Variants in PLEKHA5 observed in about 807,000 individuals in gnomAD.
The protein encoded by PLEKHA5 is pleckstrin homology domain containing A5, also known as pleckstrin homology domain-containing family A member 5.
A neutral mutation model predicts 181.9 loss-of-function variants in PLEKHA5; 55 were observed. The observed-to-expected ratio is 0.30, with a 90% CI of 0.24 to 0.38. The LOEUF (loss-of-function observed/expected upper bound fraction) is 0.38. Ranked by LOEUF, PLEKHA5 falls within the 10% of genes least tolerant of loss-of-function variation. The pLI is 1.00. For missense variants in PLEKHA5, 1,432 were observed against 1,549.5 expected, an observed-to-expected ratio of 0.92 and a Z score of 1.27; for synonymous variants, 535 against 529.4, an observed-to-expected ratio of 1.01 and a Z score of -0.15.
intron 21 of PLEKHA5, among the ~76,000 whole-genome samples, chr12:19,342,323 T>C (rs1481256665): frequency 6.6e-6 from 1 of 152,050 alleles, no homozygotes; most frequent in East Asian, 1.9e-4. Context: ...TTGGTTTCAG[T>C]TAGTGTATTT....
intron 15 of PLEKHA5, chr12:19,306,408 GA>G: frequency 1.8e-6 from 1 of 550,090 alleles, no homozygotes. Context: ...GTGGGGTAGA[GA>G]AAAGGTGGCG....
intron 3 of PLEKHA5, chr12:19,176,559 T>C (rs4237979): frequency 0.89 from 135,223 of 152,114 alleles, 60,932 homozygotes; most frequent in Non-Finnish European, 0.97. Context: ...CCTAAGTAGC[T>C]GGGACTATAG....
At chr12:19,336,983 C>CTT (rs1227139242) in intron 21 of PLEKHA5, among the ~76,000 whole-genome samples, 1,297 of 112,586 alleles carry the variant, frequency 0.012, 39 homozygotes, top group African/African-American at 0.026. Flanking sequence ...TATCTTTTAT[C>CTT]TTTTTTTTTT....
chr12:19,203,932 T>C (rs2054786284), intron 3 of PLEKHA5, among the ~76,000 whole-genome samples: 1 of 152,082 alleles, frequency 6.6e-6, no homozygotes, highest in Non-Finnish European at 1.5e-5. Context: ...GTAGGTAACT[T>C]ACTCTTTCTA....
chr12:19,237,428 CT>C (rs2061575969), intron 3 of PLEKHA5, among the ~76,000 whole-genome samples: 1 of 152,040 alleles, frequency 6.6e-6, no homozygotes. Context: ...TGATTTGCCC[CT>C]AGACCTCCAA....
intron 3 of PLEKHA5, among the ~76,000 whole-genome samples, chr12:19,144,826 C>T (rs1210023794): frequency 6.6e-6 from 1 of 152,102 alleles, no homozygotes; most frequent in African/African-American, 2.4e-5. Flanking sequence ...ATCATAAAGT[C>T]AGAGACTTAG....
At chr12:19,168,964 A>G (rs563158002) in intron 3 of PLEKHA5, among the ~76,000 whole-genome samples, 35 of 152,336 alleles carry the variant, frequency 2.3e-4, no homozygotes, top group Middle Eastern at 3.4e-3. Context: ...AGTGAGCTTA[A>G]TCACCTGCCA....
intron 4 of PLEKHA5, 76 bp downstream of exon 4, chr12:19,254,099 T>C: frequency 1.2e-6 from 1 of 867,556 alleles, no homozygotes; most frequent in Non-Finnish European, 1.9e-6. Flanking sequence ...TATATTTCAA[T>C]TTAGCAGTTT....
At chr12:19,358,467 G>C (rs1027504579) in intron 27 of PLEKHA5, 30 bp downstream of exon 27, 1 of 1,457,292 alleles carries the variant, frequency 6.9e-7, no homozygotes, top group East Asian at 2.3e-5. Flanking sequence ...TTATTATTTT[G>C]TGTAAATCTA....
At position 19,283,149 on chromosome 12, in the gene PLEKHA5, C is replaced by CAAAAAA. The variant is rs34391812; in HGVS notation, c.1314-112_1314-107dup. On this transcript the variant is annotated intron_variant, in intron 11 of 31. Coordinates refer to ENST00000429027, the MANE Select transcript of PLEKHA5 (RefSeq NM_001256470.2). ...GCAACAGAGCGAGACTCTTGTCTCC[C>CAAAAAA]AAAAAAAAAAAAAAAAAAAAAAAAT... 5.9e-3 allele frequency: 1,209 copies of CAAAAAA among 203,482 alleles called. 12 individuals are homozygous for CAAAAAA. The highest frequency in any genetic ancestry group is 0.013 in the African/African-American group (285 of 21,288). The allele number at this position is 203,482 out of a possible 1,614,324, so 12.6% of individuals were successfully genotyped here. A position where few individuals can be genotyped will look rare whatever the true frequency, so the allele number is the denominator to read the frequency against.
intron 10 of PLEKHA5, among the ~76,000 whole-genome samples, chr12:19,272,766 CAGTAATAATAAT>C (rs1189224398): frequency 6.6e-6 from 1 of 152,080 alleles, no homozygotes; most frequent in Non-Finnish European, 1.5e-5. Flanking sequence ...ATCATGATGA[CAGTAATAATAAT>C]AGCTTTAGAT....
At chr12:19,343,201 C>T (rs550652925) in intron 21 of PLEKHA5, 122 bp from the exon 22 acceptor site, 10 of 537,492 alleles carry the variant, frequency 1.9e-5, no homozygotes, top group South Asian at 4.0e-5. Flanking sequence ...ATTAAATATT[C>T]GTAACACTTA....
intron 3 of PLEKHA5, among the ~76,000 whole-genome samples, chr12:19,192,514 A>G (rs2051401329): frequency 6.6e-6 from 1 of 152,102 alleles, no homozygotes; most frequent in Non-Finnish European, 1.5e-5. Context: ...CCTGGCCAAC[A>G]TGGTTGAAAC....
At chr12:19,257,264 C>G (rs1484780965) in intron 5 of PLEKHA5, among the ~76,000 whole-genome samples, 169 bp from the exon 6 acceptor site, 3 of 152,126 alleles carry the variant, frequency 2.0e-5, no homozygotes, top group African/African-American at 7.2e-5. Context: ...AATTCTTACA[C>G]TTCAAAAAAC....
In PLEKHA5 at chr12:19,361,633, A is replaced by G; in HGVS notation, c.3535A>G (p.Asn1179Asp). The G allele has an allele frequency of 1.9e-6, 3 of 1,571,608 alleles. No individual in the cohort carries two copies. Among genetic ancestry groups the G allele is most frequent in the Non-Finnish European group, 2.6e-6 (3 of 1,144,858 alleles). The change falls in exon 29 of 32, where the codon AAT (asparagine) becomes GAT (aspartate). Residue 1179 changes from asparagine (N) to aspartate (D), a missense_variant. By Grantham distance (23) the Asn-to-Asp change is conservative. This residue lies in a region of PLEKHA5 where 1,143 missense variants were observed against 1,168.4 expected (regional missense o/e 0.98). Coordinates refer to ENST00000429027, the MANE Select transcript of PLEKHA5 (RefSeq NM_001256470.2). ...TGAAATGCTTTTTGAACCTGAGCCA[A>G]ATGGAGTAAATTCTGTGGAAATGAT... ...SYEMLFEPEP[N>D]GVNSVEMMDK...
intron 8 of PLEKHA5, among the ~76,000 whole-genome samples, chr12:19,268,053 G>A (rs1245098126): frequency 6.6e-6 from 1 of 152,164 alleles, no homozygotes; most frequent in Non-Finnish European, 1.5e-5. Flanking sequence ...CGGCCTCAAT[G>A]AGAAGGTAAT....
intron 11 of PLEKHA5, among the ~76,000 whole-genome samples, chr12:19,280,036 GTTTTTTT>G (rs869050795): frequency 1.8e-5 from 1 of 54,492 alleles, no homozygotes; most frequent in Admixed American, 3.6e-4. Flanking sequence ...AATGAAACCT[GTTTTTTT>G]TTTTTTTTTT....
At chr12:19,344,947 GAAAAA>G (rs769810813) in intron 22 of PLEKHA5, among the ~76,000 whole-genome samples, 1 of 118,260 alleles carries the variant, frequency 8.5e-6, no homozygotes, top group African/African-American at 3.1e-5. Context: ...CGGCTCTACT[GAAAAA>G]AAAAAAAAAA....
chr12:19,355,633 G>T (rs1592614084), intron 26 of PLEKHA5, among the ~76,000 whole-genome samples: 1 of 151,782 alleles, frequency 6.6e-6, no homozygotes, highest in Admixed American at 6.6e-5. Flanking sequence ...AAACTCAGCT[G>T]CATTTATACA....
Sources: allele counts gnomAD v4.1 joint callset (sites outside exome capture counted in the v4.1 genomes callset), GRCh38; gene constraint gnomAD v4.1.1; regional missense constraint gnomAD v4.1.1; transcripts MANE v1.5; gene names NCBI Gene and HGNC (gene_info 2026-07-23, HGNC 2026-07-21).